IQUB: variants seen among roughly 807,000 people sequenced by gnomAD.
The protein encoded by IQUB is IQ motif and ubiquitin-like domain-containing protein.
IQUB carries 86 observed loss-of-function variants against 86.4 expected under a neutral mutation model. That is an observed-to-expected ratio of 1.00 (90% CI 0.84 to 1.19). The LOEUF (loss-of-function observed/expected upper bound fraction) is 1.19, where lower values mean the gene tolerates loss of function less well. Among genes scored for constraint, IQUB ranks in the 50% most tolerant of loss-of-function variants. IQUB has a pLI of 0.00. For missense variants in IQUB, 946 were observed against 916.9 expected, an observed-to-expected ratio of 1.03 and a Z score of -0.41; for synonymous variants, 289 against 304.5, an observed-to-expected ratio of 0.95 and a Z score of 0.53.
At chr7:123,511,798 A>T in intron 2 of IQUB, 146 bp downstream of exon 2, 1 of 570,204 alleles carries the variant, frequency 1.8e-6, no homozygotes, top group Non-Finnish European at 3.0e-6. Flanking sequence ...GATTCAAGCT[A>T]TGTAACTCTG....
intron 12 of IQUB, among the ~76,000 whole-genome samples, chr7:123,454,027 G>A (rs1163598391): frequency 6.6e-6 from 1 of 151,980 alleles, no homozygotes. Context: ...TCTTCAGAGG[G>A]TCAAATCAAA....
intron 1 of IQUB, among the ~76,000 whole-genome samples, chr7:123,533,812 ATTC>A (rs1797646593): frequency 6.6e-6 from 1 of 152,218 alleles, no homozygotes; most frequent in Admixed American, 6.5e-5. Flanking sequence ...TTCACTCTTC[ATTC>A]TTTTTACTAT....
chr7:123,479,881 T>G lies in IQUB; in HGVS notation c.1324A>C (p.Thr442Pro). Residue 442 changes from threonine to proline, a missense_variant, in exon 8 of 13, where the codon ACT (threonine) becomes CCT (proline). Thr to Pro is a conservative substitution (Grantham distance 38). Transcript: ENST00000324698. ...AALCELLEKE[T>P]QIIASIGRHR... ...CTCCCAATGGAAGCAATTATCTGAGTCTCTTTTTCCAGAAGTTCACACAGA... is the reference window on the plus strand; with the variant it reads ...CTCCCAATGGAAGCAATTATCTGAGGCTCTTTTTCCAGAAGTTCACACAGA... 1 of 1,612,966 alleles carries G rather than the reference T, an allele frequency of 6.2e-7. No individual in the cohort carries two copies. The highest frequency in any genetic ancestry group is 8.5e-7 in the Non-Finnish European group (1 of 1,179,312).
chr7:123,489,326 G>A (rs1262657353), intron 7 of IQUB, among the ~76,000 whole-genome samples: 1 of 152,094 alleles, frequency 6.6e-6, no homozygotes, highest in Non-Finnish European at 1.5e-5. Flanking sequence ...AGAATAATTG[G>A]AACTCTGTGA....
intron 1 of IQUB, among the ~76,000 whole-genome samples, chr7:123,523,297 A>G (rs77740097): frequency 0.79 from 96,569 of 121,582 alleles, 40,013 homozygotes; most frequent in African/African-American, 0.82. Context: ...CACAATGGTC[A>G]AACTAGTTTA....
At chr7:123,525,372 T>C (rs1269229323) in intron 1 of IQUB, among the ~76,000 whole-genome samples, 1 of 152,172 alleles carries the variant, frequency 6.6e-6, no homozygotes, top group Non-Finnish European at 1.5e-5. Context: ...ATTGCCACAA[T>C]TTCAGCTCCT....
At chr7:123,508,833 T>A (rs1796299584) in intron 3 of IQUB, among the ~76,000 whole-genome samples, 1 of 152,366 alleles carries the variant, frequency 6.6e-6, no homozygotes, top group Non-Finnish European at 1.5e-5. Context: ...AAAAAAGAGT[T>A]ACTAGTAATT....
intron 9 of IQUB, among the ~76,000 whole-genome samples, chr7:123,467,032 C>G (rs1794295791): frequency 6.6e-6 from 1 of 151,872 alleles, no homozygotes; most frequent in South Asian, 2.1e-4. Flanking sequence ...AATTCAGAAC[C>G]CAAATACTTT....
At chr7:123,475,524 GAAGTT>G (rs928654123) in intron 8 of IQUB, among the ~76,000 whole-genome samples, 1 of 152,032 alleles carries the variant, frequency 6.6e-6, no homozygotes, top group African/African-American at 2.4e-5. Context: ...ATAATTTCAA[GAAGTT>G]TAGTTAAATG....
At chr7:123,532,006 T>C (rs533641271) in intron 1 of IQUB, among the ~76,000 whole-genome samples, 1 of 152,316 alleles carries the variant, frequency 6.6e-6, no homozygotes, top group South Asian at 2.1e-4. Flanking sequence ...CTAGTTAAAC[T>C]GGAATTAGTA....
intron 1 of IQUB, among the ~76,000 whole-genome samples, chr7:123,519,978 T>C (rs1474418076): frequency 7.0e-6 from 1 of 142,692 alleles, no homozygotes; most frequent in Admixed American, 7.3e-5. Flanking sequence ...CATTCATGCT[T>C]TCAACAAATT....
intron 4 of IQUB, 34 bp from the exon 5 acceptor site, chr7:123,503,150 A>G: frequency 6.2e-7 from 1 of 1,608,764 alleles, no homozygotes; most frequent in Non-Finnish European, 8.5e-7. Flanking sequence ...ATGAAAGCTC[A>G]ACCAAGAAGG....
intron 1 of IQUB, among the ~76,000 whole-genome samples, chr7:123,533,535 T>C (rs745622079): frequency 6.6e-6 from 1 of 152,248 alleles, no homozygotes; most frequent in Non-Finnish European, 1.5e-5. Flanking sequence ...TATCAATCTT[T>C]TTGCTTATGA....
rs756592905 is a variant in IQUB, at chr7:123,457,406, T to G, written c.2168A>C (p.His723Pro). 5.0e-6 allele frequency: 8 copies of G among 1,611,882 alleles called. No individual in the cohort carries two copies. In the Admixed American group the frequency reaches 5.0e-5, roughly 10 times the overall value. ...ILLTKDEAAA[H>P]LKLTSIEEGY... ...CTCTTCAATACTTGTTAGCTTGAGA[T>G]GAGCAGCTGCTTCATCTTTGGTAAG... Residue 723 changes from histidine to proline, a missense_variant, in exon 12 of 13, where the codon CAT becomes CCT. Transcript: ENST00000324698.
intron 10 of IQUB, chr7:123,462,905 A>AGAATT (rs1199337978): frequency 2.2e-6 from 1 of 447,420 alleles, no homozygotes; most frequent in East Asian, 7.0e-5. Context: ...TTTAAGCTAC[A>AGAATT]GAATTAAACT....
intron 9 of IQUB, among the ~76,000 whole-genome samples, chr7:123,465,498 C>T (rs1024506380): frequency 4.6e-5 from 7 of 151,796 alleles, no homozygotes; most frequent in African/African-American, 9.7e-5. Context: ...TTAAACTGTA[C>T]GTATATATTT....
chr7:123,472,536 A>C (rs1469999972), intron 8 of IQUB, among the ~76,000 whole-genome samples: 1 of 152,206 alleles, frequency 6.6e-6, no homozygotes, highest in Non-Finnish European at 1.5e-5. Context: ...GGTTGCTATG[A>C]AGCACTTAAC....
At chr7:123,515,376 A>G (rs1006573430) in intron 1 of IQUB, among the ~76,000 whole-genome samples, 2 of 152,214 alleles carry the variant, frequency 1.3e-5, no homozygotes, top group South Asian at 2.1e-4. Context: ...CACAAAATGC[A>G]TATCTGATAA....
chr7:123,516,740 A>AT (rs1380205947), intron 1 of IQUB, among the ~76,000 whole-genome samples: 2 of 152,186 alleles, frequency 1.3e-5, no homozygotes, highest in East Asian at 3.9e-4. Context: ...TATTTTTAAT[A>AT]TTTTTAAACA....
Sources: gnomAD v4.1 joint callset for allele counts (sites outside exome capture counted in the v4.1 genomes callset) on GRCh38, gnomAD v4.1.1 for gene constraint, MANE v1.5 for transcripts, NCBI Gene and HGNC (gene_info 2026-07-23, HGNC 2026-07-21) for gene names.